Variants in THRB observed in about 807,000 individuals in gnomAD.
THRB encodes thyroid hormone receptor beta.
In THRB, 12 loss-of-function variants were observed where a neutral mutation model predicts 47.8. The ratio of observed to expected loss-of-function variants is 0.25; its 90% CI spans 0.16 to 0.41. The LOEUF is 0.41. Among genes scored for constraint, THRB ranks in the 10% least tolerant of loss-of-function variants. The pLI is 1.00. For missense variants in THRB, 348 were observed against 589.2 expected, an observed-to-expected ratio of 0.59 and a Z score of 4.24; for synonymous variants, 218 against 212.2, an observed-to-expected ratio of 1.03 and a Z score of -0.24.
chr3:24,152,281 T>C, intron 6 of THRB, 109 bp downstream of exon 6: 1 of 683,674 alleles, frequency 1.5e-6, no homozygotes, highest in Non-Finnish European at 2.7e-6. Flanking sequence ...CCATGGATGT[T>C]AGAATTTGAT....
At chr3:24,473,448 G>A (rs949127612) in intron 1 of THRB, among the ~76,000 whole-genome samples, 1 of 152,200 alleles carries the variant, frequency 6.6e-6, no homozygotes, top group Non-Finnish European at 1.5e-5. Context: ...AACAGATGCT[G>A]TAGAGGATGT....
chr3:24,395,575 C>T (rs189681105), intron 1 of THRB, among the ~76,000 whole-genome samples: 2 of 152,186 alleles, frequency 1.3e-5, no homozygotes, highest in South Asian at 2.1e-4. Context: ...TACCATTTCA[C>T]ACCCACTAGA....
chr3:24,203,579 G>A (rs2044865456), intron 4 of THRB, among the ~76,000 whole-genome samples: 1 of 152,182 alleles, frequency 6.6e-6, no homozygotes, highest in Non-Finnish European at 1.5e-5. Context: ...CCCAGCATGA[G>A]CGACGCAGAA....
At chr3:24,411,171 A>C (rs1319574182) in intron 1 of THRB, among the ~76,000 whole-genome samples, 1 of 151,818 alleles carries the variant, frequency 6.6e-6, no homozygotes, top group Non-Finnish European at 1.5e-5. Context: ...CCTCTGAGCT[A>C]ACTGGCTCAG....
intron 1 of THRB, among the ~76,000 whole-genome samples, chr3:24,417,183 A>G (rs1262298475): frequency 6.6e-6 from 1 of 151,450 alleles, no homozygotes; most frequent in Non-Finnish European, 1.5e-5. Flanking sequence ...ATGCCCCCCT[A>G]TTAGTAAAGC....
intron 4 of THRB, among the ~76,000 whole-genome samples, chr3:24,220,870 G>T (rs1182444375): frequency 1.3e-5 from 2 of 151,912 alleles, no homozygotes; most frequent in African/African-American, 4.8e-5. Flanking sequence ...CCCAGTCTTT[G>T]GGAACTGATG....
intron 4 of THRB, among the ~76,000 whole-genome samples, chr3:24,192,610 G>A (rs2043482392): frequency 6.6e-6 from 1 of 152,140 alleles, no homozygotes; most frequent in African/African-American, 2.4e-5. Flanking sequence ...TTGGCTGAGA[G>A]ATGCTAACAG....
At chr3:24,211,182 A>C (rs1054848796) in intron 4 of THRB, among the ~76,000 whole-genome samples, 2 of 148,576 alleles carry the variant, frequency 1.3e-5, no homozygotes, top group Admixed American at 1.3e-4. Flanking sequence ...CCTGGGCAAC[A>C]GCAAGACTCC....
intron 1 of THRB, among the ~76,000 whole-genome samples, chr3:24,415,662 G>A (rs1023972285): frequency 1.3e-5 from 2 of 151,822 alleles, no homozygotes; most frequent in Admixed American, 6.6e-5. Flanking sequence ...AAACTATAAG[G>A]TATTAAAGGA....
chr3:24,435,198 A>G (rs2070817604), intron 1 of THRB, among the ~76,000 whole-genome samples: 1 of 152,166 alleles, frequency 6.6e-6, no homozygotes. Context: ...ATGCCATGAA[A>G]AACAAGGATG....
chr3:24,155,832 G>A (rs1368041161), intron 5 of THRB, among the ~76,000 whole-genome samples: 1 of 152,150 alleles, frequency 6.6e-6, no homozygotes, highest in African/African-American at 2.4e-5. Context: ...TGGAAGCTAC[G>A]ACTGTTCATG....
intron 4 of THRB, among the ~76,000 whole-genome samples, chr3:24,195,951 G>A (rs527393372): frequency 2.0e-5 from 3 of 152,300 alleles, no homozygotes; most frequent in South Asian, 2.1e-4. Flanking sequence ...TGTTTTGTCT[G>A]TCCTCACTGG....
chr3:24,219,356 C>G (rs2046935859), intron 4 of THRB, among the ~76,000 whole-genome samples: 1 of 152,156 alleles, frequency 6.6e-6, no homozygotes, highest in Non-Finnish European at 1.5e-5. Context: ...ATTTGTGGGA[C>G]AGAGAAACAA....
At chr3:24,159,124 T>C (rs1483610363) in intron 5 of THRB, among the ~76,000 whole-genome samples, 1 of 152,238 alleles carries the variant, frequency 6.6e-6, no homozygotes, top group African/African-American at 2.4e-5. Flanking sequence ...ACAAGTGTCA[T>C]TTCTTTACCT....
chr3:24,126,989 G>A (rs895213114), intron 10 of THRB, among the ~76,000 whole-genome samples: 2 of 152,224 alleles, frequency 1.3e-5, no homozygotes, highest in Non-Finnish European at 2.9e-5. Context: ...ACCAGTGTTT[G>A]ATGTCCCAGC....
chr3:24,383,373 T>TG (rs1190576129), intron 1 of THRB, among the ~76,000 whole-genome samples: 2 of 152,250 alleles, frequency 1.3e-5, no homozygotes, highest in East Asian at 3.9e-4. Context: ...CATTAGCCAT[T>TG]ATTAATATCT....
At chr3:24,189,597 G>C (rs1478676943) in intron 5 of THRB, among the ~76,000 whole-genome samples, 1 of 152,128 alleles carries the variant, frequency 6.6e-6, no homozygotes, top group Non-Finnish European at 1.5e-5. Flanking sequence ...AGGATTTAAT[G>C]AGTAGAAGAC....
chr3:24,389,691 C>CT lies in THRB; in HGVS notation c.-260-52321dup, dbSNP rs202116904. Among the ~76,000 whole-genome samples, 345 of 151,148 alleles carry CT rather than the reference C, an allele frequency of 2.3e-3. 1 individual carries two copies. Among genetic ancestry groups the CT allele is most frequent in the Admixed American group, 3.4e-3 (52 of 15,152 alleles). ...ACTGCTTCCTATCTCAATTCCCCCC[C>CT]TTTTTTTTTGTCTGCCCCATTCTCT... On this transcript the variant is annotated intron_variant, in intron 1 of 10. Transcript: ENST00000646209.
chr3:24,437,069 T>C (rs1021682192), intron 1 of THRB, among the ~76,000 whole-genome samples: 2 of 150,064 alleles, frequency 1.3e-5, no homozygotes, highest in African/African-American at 4.9e-5. Flanking sequence ...TGTATATATA[T>C]ATCATATATA....
Sources: allele counts gnomAD v4.1 joint callset (sites outside exome capture counted in the v4.1 genomes callset), GRCh38; gene constraint gnomAD v4.1.1; transcripts MANE v1.5; gene names NCBI Gene and HGNC (gene_info 2026-07-23, HGNC 2026-07-21).